Variants in RAB3GAP2 observed in about 807,000 individuals in gnomAD.
RAB3GAP2 encodes RAB3 GTPase activating non-catalytic protein subunit 2.
RAB3GAP2 carries 87 observed loss-of-function variants against 185.3 expected under a neutral mutation model. The observed-to-expected ratio is 0.47, with a 90% CI of 0.39 to 0.56. RAB3GAP2 has a LOEUF of 0.56. RAB3GAP2 is among the 20% of genes least tolerant of loss of function. RAB3GAP2 has a pLI of 0.00. For synonymous variants in RAB3GAP2, 554 were observed against 576.1 expected (o/e 0.96, Z 0.55); for missense variants, 1,492 against 1,638.2 (o/e 0.91, Z 1.54).
At chr1:220,234,756 AAAGT>A (rs1374657201) in intron 1 of RAB3GAP2, among the ~76,000 whole-genome samples, 1 of 152,182 alleles carries the variant, frequency 6.6e-6, no homozygotes, top group East Asian at 1.9e-4. Flanking sequence ...CTTGGATGAG[AAAGT>A]AAGAGATGGG....
chr1:220,167,932 C>T (rs1000503907), intron 24 of RAB3GAP2, among the ~76,000 whole-genome samples: 1 of 152,148 alleles, frequency 6.6e-6, no homozygotes, highest in Non-Finnish European at 1.5e-5. Context: ...AATGCACATG[C>T]ATATGTCTAT....
intron 17 of RAB3GAP2, among the ~76,000 whole-genome samples, chr1:220,188,105 A>G (rs12032368): frequency 0.057 from 7,406 of 128,828 alleles, 203 homozygotes; most frequent in African/African-American, 0.093. Flanking sequence ...GGTGTGTGGG[A>G]AAAAAAAAAA....
chr1:220,151,361 C>T lies in RAB3GAP2; in HGVS notation c.4072G>A (p.Ala1358Thr), dbSNP rs1657749832. 5 of 1,614,134 alleles carry T rather than the reference C, an allele frequency of 3.1e-6. No individual in the cohort carries two copies. Among genetic ancestry groups the T allele is most frequent in the Non-Finnish European group, 4.2e-6 (5 of 1,180,010 alleles). Residue 1358 changes from alanine to threonine, a missense_variant, in exon 35 of 35, where the codon GCT becomes ACT. Coordinates refer to ENST00000358951, the MANE Select transcript of RAB3GAP2 (RefSeq NM_012414.4). ...QNTEVPIATT[A>T]KLVNKVIELL... ...TCAATTACTTTATTTACTAGTTTAG[C>T]TGTTGTTGCAATTGGCACTTCAGTG...
intron 8 of RAB3GAP2, among the ~76,000 whole-genome samples, chr1:220,204,514 T>C (rs1049802647): frequency 9.9e-5 from 15 of 152,096 alleles, no homozygotes; most frequent in Admixed American, 7.2e-4. Context: ...TTAAACTTTG[T>C]TTTGGGGCCA....
At chr1:220,230,831 C>T (rs1048144126) in intron 2 of RAB3GAP2, among the ~76,000 whole-genome samples, 1 of 152,176 alleles carries the variant, frequency 6.6e-6, no homozygotes, top group Non-Finnish European at 1.5e-5. Context: ...TCACACCACA[C>T]CCCAGATCAA....
intron 3 of RAB3GAP2, 109 bp downstream of exon 3, chr1:220,213,747 A>C: frequency 1.3e-6 from 1 of 775,246 alleles, no homozygotes; most frequent in Non-Finnish European, 2.0e-6. Context: ...GGGGGGGGAG[A>C]GAGAGAGAAA....
intron 1 of RAB3GAP2, among the ~76,000 whole-genome samples, chr1:220,256,569 A>G (rs1460455126): frequency 6.6e-6 from 1 of 152,256 alleles, no homozygotes; most frequent in Non-Finnish European, 1.5e-5. Context: ...GGAAAACAGA[A>G]TAAAAGCAGG....
chr1:220,238,106 T>C (rs1018103151), intron 1 of RAB3GAP2, among the ~76,000 whole-genome samples: 1 of 152,122 alleles, frequency 6.6e-6, no homozygotes, highest in African/African-American at 2.4e-5. Flanking sequence ...AGTGGTGCAA[T>C]TATAGCTCAC....
chr1:220,177,873 G>T (rs1458287228), intron 21 of RAB3GAP2, among the ~76,000 whole-genome samples: 2 of 152,092 alleles, frequency 1.3e-5, no homozygotes, highest in Non-Finnish European at 2.9e-5. Context: ...AACTGAGAAA[G>T]ACAAAGGAGT....
At chr1:220,222,676 A>C (rs1321245795) in intron 2 of RAB3GAP2, among the ~76,000 whole-genome samples, 1 of 152,188 alleles carries the variant, frequency 6.6e-6, no homozygotes, top group Non-Finnish European at 1.5e-5. Flanking sequence ...AGTAGGATTA[A>C]TTCTGCCATT....
At chr1:220,193,493 A>C (rs1348261683) in intron 12 of RAB3GAP2, 114 bp from the exon 13 acceptor site, 1 of 1,025,354 alleles carries the variant, frequency 9.8e-7, no homozygotes, top group East Asian at 2.6e-5. Flanking sequence ...ATAAAGAAAT[A>C]TGAATTTTAC....
intron 1 of RAB3GAP2, among the ~76,000 whole-genome samples, chr1:220,245,311 G>A (rs1257954563): frequency 3.3e-5 from 5 of 152,194 alleles, no homozygotes; most frequent in South Asian, 2.1e-4. Flanking sequence ...GTGGGTGCGC[G>A]CACCATGCGC....
At chr1:220,200,431 C>A in intron 9 of RAB3GAP2, 1 of 379,592 alleles carries the variant, frequency 2.6e-6, no homozygotes, top group South Asian at 2.1e-5. Flanking sequence ...AGGGTGGGGT[C>A]CTATCTTGTA....
Position 220,272,399 on chromosome 1 carries a change from C to T in RAB3GAP2, c.-62G>A, listed in dbSNP as rs556892283. 8.1e-7 allele frequency: 1 copy of T among 1,238,176 alleles called. No individual in the cohort carries two copies. The highest frequency in any genetic ancestry group is 2.0e-5 in the Admixed American group (1 of 50,680). 76.7% of individuals were successfully genotyped at this position (1,238,176 alleles called of 1,614,324 possible). On this transcript the variant is annotated 5_prime_UTR_variant, in exon 1 of 35. Transcript: ENST00000358951. ...TCACCACGCCCTGCCCCCTCCACCC[C>T]ACTGCGGCCGCCACCGAGCCCCAAT...
At chr1:220,269,470 T>A (rs1413311751) in intron 1 of RAB3GAP2, among the ~76,000 whole-genome samples, 1 of 152,178 alleles carries the variant, frequency 6.6e-6, no homozygotes, top group East Asian at 1.9e-4. Flanking sequence ...ATGACTGTAA[T>A]CCCAGCACTT....
intron 1 of RAB3GAP2, among the ~76,000 whole-genome samples, chr1:220,248,445 C>T (rs993244802): frequency 6.6e-6 from 1 of 151,904 alleles, no homozygotes; most frequent in Non-Finnish European, 1.5e-5. Context: ...TCATGTTGCA[C>T]ACCTTAAATA....
chr1:220,198,096 C>T (rs1325154586), intron 9 of RAB3GAP2, among the ~76,000 whole-genome samples: 1 of 152,130 alleles, frequency 6.6e-6, no homozygotes, highest in Non-Finnish European at 1.5e-5. Context: ...CCCTTTCCAT[C>T]CAGCTTAGCT....
intron 1 of RAB3GAP2, among the ~76,000 whole-genome samples, chr1:220,251,619 T>G (rs1247139941): frequency 1.3e-5 from 2 of 152,224 alleles, no homozygotes; most frequent in Non-Finnish European, 2.9e-5. Context: ...TCAAAGACAC[T>G]GATCATATTA....
intron 21 of RAB3GAP2, 131 bp downstream of exon 21, chr1:220,182,126 T>G: frequency 6.9e-7 from 1 of 1,455,264 alleles, no homozygotes; most frequent in Non-Finnish European, 9.2e-7. Context: ...TTTTCTTTGA[T>G]CATTTTTAGA....
Sources: gnomAD v4.1 joint callset for allele counts (sites outside exome capture counted in the v4.1 genomes callset) on GRCh38, gnomAD v4.1.1 for gene constraint, MANE v1.5 for transcripts, NCBI Gene and HGNC (gene_info 2026-07-23, HGNC 2026-07-21) for gene names.